Variants in CADPS observed in about 807,000 individuals in gnomAD.
CADPS encodes calcium-dependent secretion activator 1.
Under a neutral mutation model 167.3 loss-of-function variants are expected in CADPS, and 57 were observed. The ratio of observed to expected loss-of-function variants is 0.34; its 90% CI spans 0.28 to 0.42. CADPS has a LOEUF of 0.42. Among genes scored for constraint, CADPS ranks in the 20% least tolerant of loss-of-function variants. The pLI is 1.00. For missense variants in CADPS, 1,414 were observed against 1,738.1 expected (o/e 0.81, Z 3.32); for synonymous variants, 676 against 635.3 (o/e 1.06, Z -0.96).
At chr3:62,722,613 G>A (rs993149271) in intron 3 of CADPS, among the ~76,000 whole-genome samples, 4 of 152,230 alleles carry the variant, frequency 2.6e-5, no homozygotes, top group Non-Finnish European at 2.9e-5. Context: ...GCTCCACTGA[G>A]GAAAATCTAA....
chr3:62,563,493 T>C (rs9311843), intron 9 of CADPS, among the ~76,000 whole-genome samples: 24,061 of 152,264 alleles, frequency 0.16, 1,966 homozygotes, highest in East Asian at 0.26. Flanking sequence ...TGGTTCTATC[T>C]GAGTAATTCA....
intron 26 of CADPS, among the ~76,000 whole-genome samples, chr3:62,448,445 C>T (rs1485248083): frequency 6.6e-6 from 1 of 152,116 alleles, no homozygotes; most frequent in Non-Finnish European, 1.5e-5. Context: ...CCTCATGCAC[C>T]AGCCCTCGGT....
At chr3:62,538,880 A>T (rs545371402) in intron 11 of CADPS, among the ~76,000 whole-genome samples, 1 of 152,260 alleles carries the variant, frequency 6.6e-6, no homozygotes, top group South Asian at 2.1e-4. Flanking sequence ...TCCTTTATGG[A>T]GACCTGGATT....
intron 1 of CADPS, among the ~76,000 whole-genome samples, chr3:62,822,707 T>C (rs1342181851): frequency 6.6e-6 from 1 of 152,056 alleles, no homozygotes; most frequent in Admixed American, 6.6e-5. Context: ...CTGGGCGTGG[T>C]AGCGCATGCC....
At chr3:62,698,823 T>C (rs1488670848) in intron 3 of CADPS, among the ~76,000 whole-genome samples, 3 of 141,382 alleles carry the variant, frequency 2.1e-5, no homozygotes, top group Admixed American at 7.6e-5. Context: ...CACTGCAGCC[T>C]TGGCCTTCTG....
intron 3 of CADPS, among the ~76,000 whole-genome samples, chr3:62,747,267 G>A (rs1232291893): frequency 2.0e-5 from 3 of 152,026 alleles, no homozygotes; most frequent in African/African-American, 4.8e-5. Flanking sequence ...TCACTCATGC[G>A]AAGAACTATA....
intron 8 of CADPS, among the ~76,000 whole-genome samples, chr3:62,578,596 CAA>C (rs2082757261): frequency 9.3e-6 from 1 of 107,990 alleles, no homozygotes; most frequent in Non-Finnish European, 1.7e-5. Flanking sequence ...GGTGACAGAG[CAA>C]GACTCCGTCT....
intron 26 of CADPS, among the ~76,000 whole-genome samples, chr3:62,449,802 T>A (rs1046198109): frequency 6.6e-6 from 1 of 150,896 alleles, no homozygotes; most frequent in East Asian, 1.9e-4. Context: ...TAAAAGAGTG[T>A]GTGTGTGTGT....
At position 62,415,983 on chromosome 3, in the gene CADPS, C is replaced by T. The variant is rs142580837; in HGVS notation, c.3778-12798G>A. Among the ~76,000 whole-genome samples, 8 of 150,552 alleles carry T rather than the reference C, an allele frequency of 5.3e-5. No homozygotes were observed. In the East Asian group the frequency reaches 1.2e-3, roughly 22 times the overall value. On this transcript the variant is annotated intron_variant, in intron 28 of 29. Coordinates refer to ENST00000383710, the MANE Select transcript of CADPS (RefSeq NM_003716.4). The stretch of plus-strand genomic sequence containing the variant: ...GTGAAAGCTATTTTTCTTTTTCCCT[C>T]GTCATTCAAAAGAGTCTTAACAAAA...
intron 7 of CADPS, among the ~76,000 whole-genome samples, chr3:62,591,348 T>C (rs1180208428): frequency 6.6e-6 from 1 of 152,120 alleles, no homozygotes; most frequent in Non-Finnish European, 1.5e-5. Context: ...GGAGCTAAGA[T>C]AGCAAATGAA....
At chr3:62,565,735 T>A (rs1479598441) in intron 9 of CADPS, among the ~76,000 whole-genome samples, 1 of 152,166 alleles carries the variant, frequency 6.6e-6, no homozygotes, top group African/African-American at 2.4e-5. Flanking sequence ...TTAGCTCTGA[T>A]CCTTAAGAAA....
intron 6 of CADPS, chr3:62,626,168 A>G (rs1397934446): frequency 5.6e-6 from 1 of 178,082 alleles, no homozygotes; most frequent in Non-Finnish European, 1.2e-5. Context: ...TGAAGCTTTC[A>G]TTGGTATCCC....
At chr3:62,790,051 A>C (rs2092797763) in intron 1 of CADPS, among the ~76,000 whole-genome samples, 1 of 152,158 alleles carries the variant, frequency 6.6e-6, no homozygotes, top group African/African-American at 2.4e-5. Context: ...AAAATTTGCA[A>C]ATTTTCATCA....
chr3:62,820,877 T>C (rs2094882107), intron 1 of CADPS, among the ~76,000 whole-genome samples: 1 of 151,128 alleles, frequency 6.6e-6, no homozygotes, highest in Admixed American at 6.6e-5. Flanking sequence ...CTTGGCTCAC[T>C]GTGACCTCTG....
intron 1 of CADPS, among the ~76,000 whole-genome samples, chr3:62,867,948 G>A (rs1405795520): frequency 1.3e-5 from 2 of 152,024 alleles, no homozygotes; most frequent in African/African-American, 2.4e-5. Flanking sequence ...GGTACAGCAA[G>A]AAAGCAAACC....
chr3:62,492,545 T>C, intron 19 of CADPS, 99 bp from the exon 20 acceptor site: 1 of 1,143,942 alleles, frequency 8.7e-7, no homozygotes, highest in Non-Finnish European at 1.3e-6. Context: ...AAATTAATGG[T>C]GCATCCAGCA....
rs531599369 is a variant in CADPS at position 62,701,065 on chromosome 3, G to A, written c.889-38671C>T. On this transcript the variant is annotated intron_variant, in intron 3 of 29. Coordinates refer to ENST00000383710, the MANE Select transcript of CADPS (RefSeq NM_003716.4). ...AGAAGGGCACCAATCCCATTCATGA[G>A]GGCTCTATTCTTATGACCTAATTAT... 8.5e-5 allele frequency among the ~76,000 whole-genome samples: 13 copies of A among 152,136 alleles called. No individual in the cohort carries two copies. The East Asian group carries it at 1.9e-3, about 23-fold the overall frequency.
intron 3 of CADPS, among the ~76,000 whole-genome samples, chr3:62,744,887 T>C (rs2081119623): frequency 6.6e-6 from 1 of 152,198 alleles, no homozygotes; most frequent in South Asian, 2.1e-4. Flanking sequence ...GTTAGCATCT[T>C]GGTAACAGCA....
At chr3:62,639,148 G>C (rs1235195636) in intron 6 of CADPS, among the ~76,000 whole-genome samples, 1 of 152,138 alleles carries the variant, frequency 6.6e-6, no homozygotes, top group Non-Finnish European at 1.5e-5. Flanking sequence ...GCATCCCAAA[G>C]TGTGATTATA....
Sources: gnomAD v4.1 joint callset for allele counts (sites outside exome capture counted in the v4.1 genomes callset) on GRCh38, gnomAD v4.1.1 for gene constraint, MANE v1.5 for transcripts, NCBI Gene and HGNC (gene_info 2026-07-23, HGNC 2026-07-21) for gene names.